The following NUP85 variants were observed in gnomAD, a reference collection of about 807,000 sequenced individuals.
NUP85 encodes nucleoporin 85.
A neutral mutation model predicts 92.8 loss-of-function variants in NUP85; 23 were observed. The observed-to-expected ratio is 0.25, with a 90% CI of 0.18 to 0.35. The LOEUF (loss-of-function observed/expected upper bound fraction) is 0.35. Among genes scored for constraint, NUP85 ranks in the 10% least tolerant of loss-of-function variants. The pLI is 1.00. For synonymous variants in NUP85, 314 were observed against 306.9 expected (o/e 1.02, Z -0.24); for missense variants, 759 against 822.8 (o/e 0.92, Z 0.95).
At chr17:75,224,790 C>G (rs1317921252) in intron 7 of NUP85, among the ~76,000 whole-genome samples, 5 of 150,114 alleles carry the variant, frequency 3.3e-5, no homozygotes, top group Non-Finnish European at 7.4e-5. Context: ...CGAGATTATG[C>G]CATTGCACTC....
At position 75,225,138 on chromosome 17, in the gene NUP85, G is replaced by T. The variant is rs754364907; in HGVS notation, c.633G>T (p.Glu211Asp). Reference protein sequence around the residue: ...TILVLQGRLDEARQMLSKEAD... With the variant: ...TILVLQGRLDDARQMLSKEAD... ...TGGTGCTGCAGGGCCGGCTGGATGAGGCCCGACAGATGCTCTCCAAGGAAG... is the reference window on the plus strand; with the variant it reads ...TGGTGCTGCAGGGCCGGCTGGATGATGCCCGACAGATGCTCTCCAAGGAAG... Residue 211 changes from glutamate (E) to aspartate (D), a missense_variant, in exon 8 of 19, where the codon GAG becomes GAT. Glu to Asp is a conservative substitution (Grantham distance 45). Coordinates refer to ENST00000245544, the MANE Select transcript of NUP85 (RefSeq NM_024844.5). 2.5e-6 allele frequency: 4 copies of T among 1,596,254 alleles called. No homozygotes were observed. In the Admixed American group the frequency reaches 6.8e-5, roughly 27 times the overall value.
rs1368522922 is a variant in NUP85, at chr17:75,214,136, G to C, written c.405+1017G>C. Among the ~76,000 whole-genome samples the C allele has an allele frequency of 2.6e-5, 4 of 152,114 alleles. No individual in the cohort carries two copies. In the East Asian group the frequency reaches 7.7e-4, roughly 29 times the overall value. On this transcript the variant is annotated intron_variant, in intron 5 of 18. Transcript: ENST00000245544. ...TGGGATTACAAGTGTGAGCCACTGC[G>C]CCCGGCTAAACTCAACATTTTTACT...
In NUP85 at chr17:75,227,326, G is replaced by GT. The variant is rs71159460; in HGVS notation, c.1094+1195dup. ...AAGTTTTTTGTGTGTTTGTTTCTGG[G>GT]TTTTTTTTTTTTTTTTTTTTTTTTT... On this transcript the variant is annotated intron_variant, in intron 11 of 18. Transcript: ENST00000245544. Among the ~76,000 whole-genome samples the GT allele has an allele frequency of 1.8e-3, 208 of 114,128 alleles. 3 individuals are homozygous for GT. The highest frequency in any genetic ancestry group is 6.8e-3 in the African/African-American group (196 of 28,658). The allele number at this position is 114,128 out of a possible 152,430, so 74.9% of individuals were successfully genotyped here.
Position 75,234,781 on chromosome 17 carries a change from AG to A in NUP85, c.1761del (p.Lys588AsnfsTer3). The A allele has an allele frequency of 6.2e-7, 1 of 1,614,156 alleles. No individual in the cohort carries two copies. The highest frequency in any genetic ancestry group is 8.5e-7 in the Non-Finnish European group (1 of 1,180,032). On this transcript the variant is annotated frameshift_variant, in exon 17 of 19. Coordinates refer to ENST00000245544, the MANE Select transcript of NUP85 (RefSeq NM_024844.5). LOFTEE classifies it high-confidence loss of function. ...LLTDALPLLE[Q>X]KQVIFSAEQT... ...ACAGACGCCTTGCCCCTTTTGGAAC[AG>A]AAACAGGTGAAGGTTGCAGCAGCAG...
At chr17:75,218,865 A>C (rs2075515067) in intron 7 of NUP85, among the ~76,000 whole-genome samples, 1 of 152,130 alleles carries the variant, frequency 6.6e-6, no homozygotes, top group Non-Finnish European at 1.5e-5. Context: ...CTACCACCTC[A>C]GCCTCTCAAG....
chr17:75,226,783 G>A (rs190677513), intron 11 of NUP85: 51 of 447,970 alleles, frequency 1.1e-4, no homozygotes, highest in African/African-American at 6.6e-4. Context: ...AAACTACTTT[G>A]ACATTTAAAA....
intron 3 of NUP85, among the ~76,000 whole-genome samples, chr17:75,210,851 G>A (rs1438451768): frequency 7.3e-5 from 11 of 151,602 alleles, no homozygotes; most frequent in South Asian, 2.1e-4. Context: ...ACAGGCGCCT[G>A]CCACCACATC....
chr17:75,229,484 A>G (rs1206907858), intron 11 of NUP85, among the ~76,000 whole-genome samples: 1 of 152,162 alleles, frequency 6.6e-6, no homozygotes, highest in Non-Finnish European at 1.5e-5. Flanking sequence ...TTTGGAGCTG[A>G]TAATTAGGCC....
In NUP85 at chr17:75,231,824, G is replaced by C; in HGVS notation, c.1245-4G>C. 6.2e-7 allele frequency: 1 copy of C among 1,613,940 alleles called. No homozygotes were observed. Among genetic ancestry groups the C allele is most frequent in the Non-Finnish European group, 8.5e-7 (1 of 1,179,908 alleles). ...TCATGTCTGTCCTCCTCGAACCTTT[G>C]CAGCCTGTGGCAGCTGGGGGTCGAT... On this transcript the variant is annotated splice_region_variant and splice_polypyrimidine_tract_variant and intron_variant, in intron 13 of 18. Coordinates refer to ENST00000245544, the MANE Select transcript of NUP85 (RefSeq NM_024844.5). The surrounding 1 kb of genome is among the most constrained non-coding windows in gnomAD (Gnocchi z 4.6).
chr17:75,206,169 C>T (rs2075074266), intron 1 of NUP85, among the ~76,000 whole-genome samples: 1 of 152,136 alleles, frequency 6.6e-6, no homozygotes, highest in African/African-American at 2.4e-5. Context: ...CATTGAGCTT[C>T]TGCCTGTGTG....
At position 75,231,677 on chromosome 17, in the gene NUP85, C is replaced by G. The variant is rs370767968; in HGVS notation, c.1244+39C>G. The G allele has an allele frequency of 4.5e-6, 7 of 1,567,314 alleles. No homozygotes were observed. The highest frequency in any genetic ancestry group is 5.1e-5 in the East Asian group (2 of 39,422). On this transcript the variant is annotated intron_variant, in intron 13 of 18. Coordinates refer to ENST00000245544, the MANE Select transcript of NUP85 (RefSeq NM_024844.5). The surrounding 1 kb of genome is among the most constrained non-coding windows in gnomAD (Gnocchi z 4.6). ...CATGGGTGTGGGCTATGCGGGTGCT[C>G]TTCAGCATGCGGGTGCCATTGGAGC...
Position 75,234,559 on chromosome 17 carries a change from C to G in NUP85, c.1616-78C>G, listed in dbSNP as rs1328837652. On this transcript the variant is annotated intron_variant, in intron 16 of 18. Transcript: ENST00000245544. ...GAGGTTTTTCTTCTCCTGTTTAGGGCCAGGGTGACTTTTGTAGGTGTCACT... is the reference window on the plus strand; with the variant it reads ...GAGGTTTTTCTTCTCCTGTTTAGGGGCAGGGTGACTTTTGTAGGTGTCACT... 2.5e-5 allele frequency: 37 copies of G among 1,482,104 alleles called. No homozygotes were observed. In the Admixed American group the frequency reaches 5.7e-4, roughly 23 times the overall value. 91.8% of individuals were successfully genotyped at this position (1,482,104 alleles called of 1,614,324 possible). A position where few individuals can be genotyped will look rare whatever the true frequency, so the allele number is the denominator to read the frequency against.
chr17:75,215,973 C>A, intron 6 of NUP85, 150 bp downstream of exon 6: 3 of 707,008 alleles, frequency 4.2e-6, no homozygotes, highest in Non-Finnish European at 7.0e-6. Context: ...AGAAAACACC[C>A]AAAGAAACCT....
chr17:75,225,789 A>T lies in NUP85; in HGVS notation c.947A>T (p.Asn316Ile). The change falls in exon 10 of 19, where the codon AAT (asparagine) becomes ATT (isoleucine). Residue 316 changes from asparagine to isoleucine, a missense_variant. Coordinates refer to ENST00000245544, the MANE Select transcript of NUP85 (RefSeq NM_024844.5). ...HFLVTRLLYS[N>I]PTVKPIDLHY... ...CTAGTGACTCGGCTCTTGTACTCCA[A>T]TCCCACAGTAAAACCCATTGATCTG... 6 of 1,614,030 alleles carry T rather than the reference A, an allele frequency of 3.7e-6. No individual in the cohort carries two copies. The highest frequency in any genetic ancestry group is 5.1e-6 in the Non-Finnish European group (6 of 1,179,980).
chr17:75,221,108 C>G (rs1032247791), intron 7 of NUP85, among the ~76,000 whole-genome samples: 1 of 152,148 alleles, frequency 6.6e-6, no homozygotes, highest in Non-Finnish European at 1.5e-5. Flanking sequence ...TGGTCTCGAT[C>G]TGACCTTGTG....
rs538288171 is a variant in NUP85, at chr17:75,227,396, C to T, written c.1094+1239C>T. Among the ~76,000 whole-genome samples, 14 of 131,848 alleles carry T rather than the reference C, an allele frequency of 1.1e-4. No individual in the cohort carries two copies. The South Asian group carries it at 1.9e-3, about 18-fold the overall frequency. 86.5% of individuals were successfully genotyped at this position (131,848 alleles called of 152,430 possible). On this transcript the variant is annotated intron_variant, in intron 11 of 18. Transcript: ENST00000245544. ...TGTCACCCAGACTGGAGTGCAGTGG[C>T]GTGATCTTGGCTCACTGCAACCTCC... is the stretch of plus-strand genomic sequence containing the variant.
At chr17:75,223,044 A>C (rs12951548) in intron 7 of NUP85, among the ~76,000 whole-genome samples, 31 of 147,054 alleles carry the variant, frequency 2.1e-4, no homozygotes, top group South Asian at 1.3e-3. Context: ...AAAAAAAAAA[A>C]AAAAAAAAAA....
Position 75,208,591 on chromosome 17 carries a change from T to C in NUP85, c.98T>C (p.Leu33Pro). ...TTTGACTGGGGTCCAGGGGAGATGC[T>C]GGTATGTGAAACCTCCTTCAACAAA... ...MYFDWGPGEMLVCETSFNKKE... is the reference protein window; with the variant it reads ...MYFDWGPGEMPVCETSFNKKE... The change falls in exon 2 of 19, where the codon CTG becomes CCG. Residue 33 changes from leucine to proline, a missense_variant. Transcript: ENST00000245544. 6.2e-7 allele frequency: 1 copy of C among 1,608,002 alleles called. No homozygotes were observed. Among genetic ancestry groups the C allele is most frequent in the Non-Finnish European group, 8.5e-7 (1 of 1,175,048 alleles).
chr17:75,212,532 A>G (rs946112418), intron 4 of NUP85, among the ~76,000 whole-genome samples: 1 of 138,730 alleles, frequency 7.2e-6, no homozygotes, highest in Non-Finnish European at 1.5e-5. Context: ...GCAAAGAAAC[A>G]TTATGGCTCA....
Sources: allele counts gnomAD v4.1 joint callset (sites outside exome capture counted in the v4.1 genomes callset), GRCh38; gene constraint gnomAD v4.1.1; non-coding constraint Gnocchi (gnomAD v3.1); transcripts MANE v1.5; gene names NCBI Gene and HGNC (gene_info 2026-07-23, HGNC 2026-07-21).